Variants in ZCCHC10 observed in about 807,000 individuals in gnomAD.
ZCCHC10 encodes zinc finger CCHC domain-containing protein 10.
A neutral mutation model predicts 19.5 loss-of-function variants in ZCCHC10; 16 were observed. That is an observed-to-expected ratio of 0.82 (90% CI 0.56 to 1.25). The LOEUF (loss-of-function observed/expected upper bound fraction) is 1.25, where lower values mean the gene tolerates loss of function less well. ZCCHC10 is among the 50% of genes most tolerant of loss of function. ZCCHC10 has a pLI of 0.00. For synonymous variants in ZCCHC10, 67 were observed against 72.5 expected (o/e 0.92, Z 0.38); for missense variants, 197 against 201.0 (o/e 0.98, Z 0.12).
intron 3 of ZCCHC10, among the ~76,000 whole-genome samples, chr5:133,002,632 G>A (rs1325406580): frequency 6.6e-6 from 1 of 152,024 alleles, no homozygotes; most frequent in Admixed American, 6.6e-5. Context: ...TATTTGCAAA[G>A]GGCATATTAT....
intron 2 of ZCCHC10, among the ~76,000 whole-genome samples, chr5:133,012,984 G>C (rs1194348583): frequency 1.3e-5 from 2 of 151,088 alleles, no homozygotes; most frequent in East Asian, 3.9e-4. Flanking sequence ...CTGGGAGGCG[G>C]AGCTTGCAGT....
intron 3 of ZCCHC10, among the ~76,000 whole-genome samples, chr5:133,004,466 G>A (rs911058757): frequency 2.6e-5 from 4 of 152,052 alleles, no homozygotes; most frequent in African/African-American, 7.2e-5. Context: ...GAGCCACCGC[G>A]CCCGGCTTAG....
chr5:133,003,003 AG>A, intron 3 of ZCCHC10: 1 of 167,828 alleles, frequency 6.0e-6, no homozygotes, highest in East Asian at 1.8e-4. Flanking sequence ...TACAGGTGTG[AG>A]CCACCACGCC....
chr5:132,999,104 C>T (rs931536637), intron 4 of ZCCHC10, among the ~76,000 whole-genome samples: 37 of 151,926 alleles, frequency 2.4e-4, no homozygotes, highest in African/African-American at 8.7e-4. Context: ...TTAGTAGAGA[C>T]GGGGTTTCAT....
rs552433307 is a variant in ZCCHC10, at chr5:132,997,824, T to A, written c.*759A>T. Reference sequence around the variant, plus strand: ...GATATTTCTAGCACTTCTATTTAAGTTAGCCTCTTACATGGCTGCTTTCTT... The same window carrying A: ...GATATTTCTAGCACTTCTATTTAAGATAGCCTCTTACATGGCTGCTTTCTT... On this transcript the variant is annotated 3_prime_UTR_variant, in exon 5 of 5. Coordinates refer to ENST00000509437, the MANE Select transcript of ZCCHC10 (RefSeq NM_001300816.3). 8 of 152,280 alleles carry A rather than the reference T, an allele frequency of 5.3e-5. 1 individual carries two copies. The South Asian group carries it at 6.2e-4, about 12-fold the overall frequency. The allele number at this position is 152,280 out of a possible 1,614,324, so 9.4% of individuals were successfully genotyped here. A position where few individuals can be genotyped will look rare whatever the true frequency, so the allele number is the denominator to read the frequency against.
At chr5:133,022,745 C>T (rs1764401667) in intron 2 of ZCCHC10, 96 bp downstream of exon 2, 1 of 413,990 alleles carries the variant, frequency 2.4e-6, no homozygotes, top group Admixed American at 4.4e-5. Flanking sequence ...GCCACCACGC[C>T]CCGGCCTTGT....
chr5:133,009,471 G>C (rs1483997764), intron 2 of ZCCHC10, among the ~76,000 whole-genome samples: 1 of 151,948 alleles, frequency 6.6e-6, no homozygotes, highest in African/African-American at 2.4e-5. Flanking sequence ...AAAATTGCCA[G>C]GCTTGGTGGC....
chr5:133,026,239 T>G (rs1402490665), intron 1 of ZCCHC10, among the ~76,000 whole-genome samples: 7 of 152,176 alleles, frequency 4.6e-5, no homozygotes, highest in Admixed American at 4.6e-4. Flanking sequence ...GGGCGTTCCT[T>G]TCAGAGAAAC....
At chr5:133,000,972 T>C (rs984705322) in intron 3 of ZCCHC10, among the ~76,000 whole-genome samples, 1 of 152,004 alleles carries the variant, frequency 6.6e-6, no homozygotes, top group South Asian at 2.1e-4. Context: ...ACCAGAAATG[T>C]AATACTTCAA....
intron 3 of ZCCHC10, among the ~76,000 whole-genome samples, chr5:133,001,348 A>G (rs1044819174): frequency 3.3e-5 from 5 of 151,956 alleles, no homozygotes; most frequent in Non-Finnish European, 7.4e-5. Context: ...CTGAGATCGC[A>G]CCATTGCACT....
rs1762549485 is a variant in ZCCHC10 at position 132,998,359 on chromosome 5, A to G, written c.*224T>C. On this transcript the variant is annotated 3_prime_UTR_variant, in exon 5 of 5. Transcript: ENST00000509437. ...GATTTCAGCTTTAAGTTCTAGAGAT[A>G]TATTTTAAAGATAAAAAAAACAAGA... 4.5e-6 allele frequency: 2 copies of G among 442,652 alleles called. No individual in the cohort carries two copies. Among genetic ancestry groups the G allele is most frequent in the South Asian group, 2.9e-5 (1 of 34,656 alleles). 27.4% of individuals were successfully genotyped at this position (442,652 alleles called of 1,614,324 possible). A position where few individuals can be genotyped will look rare whatever the true frequency, so the allele number is the denominator to read the frequency against.
At chr5:132,999,753 G>C (rs1185406570) in intron 4 of ZCCHC10, among the ~76,000 whole-genome samples, 2 of 152,024 alleles carry the variant, frequency 1.3e-5, no homozygotes, top group Non-Finnish European at 2.9e-5. Context: ...AAATCTTATA[G>C]CTATTTTTTT....
chr5:133,010,456 A>T (rs1763425227), intron 2 of ZCCHC10, among the ~76,000 whole-genome samples: 1 of 152,116 alleles, frequency 6.6e-6, no homozygotes, highest in South Asian at 2.1e-4. Flanking sequence ...AACATGAGAG[A>T]AAACAAATTT....
intron 3 of ZCCHC10, among the ~76,000 whole-genome samples, chr5:133,001,488 G>C (rs1762772736): frequency 6.6e-6 from 1 of 151,784 alleles, no homozygotes; most frequent in Non-Finnish European, 1.5e-5. Context: ...TTTTGAGATA[G>C]GGTCTCACTG....
chr5:133,003,205 G>A (rs1762886289), intron 3 of ZCCHC10: 2 of 376,698 alleles, frequency 5.3e-6, no homozygotes, highest in Admixed American at 5.8e-5. Flanking sequence ...TATTGGAGCA[G>A]CACTGTTTCT....
chr5:133,003,019 C>CA (rs1224222939), intron 3 of ZCCHC10: 1 of 176,236 alleles, frequency 5.7e-6, no homozygotes, highest in Non-Finnish European at 1.2e-5. Context: ...CACGCCCGGC[C>CA]TTTTTTTAAG....
chr5:133,023,145 C>T (rs1190035126), intron 1 of ZCCHC10, among the ~76,000 whole-genome samples: 1 of 152,108 alleles, frequency 6.6e-6, no homozygotes, highest in East Asian at 1.9e-4. Flanking sequence ...GAAAACACAA[C>T]AGGCCACTTC....
intron 4 of ZCCHC10, among the ~76,000 whole-genome samples, chr5:132,999,278 A>G (rs1289662308): frequency 1.3e-5 from 2 of 152,188 alleles, no homozygotes; most frequent in African/African-American, 4.8e-5. Context: ...CTTTGCTAGC[A>G]TGTTATCCTT....
chr5:132,999,178 C>A (rs1762610787), intron 4 of ZCCHC10, among the ~76,000 whole-genome samples: 1 of 152,200 alleles, frequency 6.6e-6, no homozygotes, highest in East Asian at 1.9e-4. Flanking sequence ...CCGCCTCAGC[C>A]TCCCAAAGTG....
Sources: gnomAD v4.1 joint callset for allele counts (sites outside exome capture counted in the v4.1 genomes callset) on GRCh38, gnomAD v4.1.1 for gene constraint, MANE v1.5 for transcripts, NCBI Gene and HGNC (gene_info 2026-07-23, HGNC 2026-07-21) for gene names.